Variants in FHIP1A observed in about 807,000 individuals in gnomAD.
FHIP1A encodes the protein FHF complex subunit HOOK interacting protein 1A.
In FHIP1A, 61 loss-of-function variants were observed where a neutral mutation model predicts 88.6. The ratio of observed to expected loss-of-function variants is 0.69; its 90% CI spans 0.56 to 0.85. The LOEUF (loss-of-function observed/expected upper bound fraction) is 0.85. Ranked by LOEUF, FHIP1A falls within the 40% of genes least tolerant of loss-of-function variation. FHIP1A has a pLI of 0.00. For synonymous variants in FHIP1A, 478 were observed against 496.0 expected (o/e 0.96, Z 0.48); for missense variants, 1,154 against 1,273.5 (o/e 0.91, Z 1.43).
chr4:151,426,703 A>G (rs912933302), intron 1 of FHIP1A, among the ~76,000 whole-genome samples: 11 of 152,196 alleles, frequency 7.2e-5, no homozygotes, highest in Non-Finnish European at 1.2e-4. Flanking sequence ...TAATGTAATC[A>G]TAAAATGTCC....
intron 1 of FHIP1A, among the ~76,000 whole-genome samples, chr4:151,448,360 G>A (rs1209682375): frequency 2.0e-5 from 3 of 152,114 alleles, no homozygotes; most frequent in Admixed American, 6.6e-5. Flanking sequence ...CAGTTCAGTC[G>A]CATAAAGTAG....
intron 3 of FHIP1A, among the ~76,000 whole-genome samples, chr4:151,486,964 AT>A (rs202128907): frequency 3.7e-5 from 4 of 107,332 alleles, no homozygotes; most frequent in Non-Finnish European, 8.5e-5. Flanking sequence ...GCAAAACTCC[AT>A]TTAAAAAAAA....
rs369513442 is a variant in FHIP1A at position 151,609,883 on chromosome 4, CA to C, written c.979-19810del. On this transcript the variant is annotated intron_variant, in intron 7 of 13. Transcript: ENST00000435205. ...TTTAATGCTGTATCTAATGCTGTGC[CA>C]AAAAAAAACAAAAAACCCCAAAAAA... 6.2e-5 allele frequency among the ~76,000 whole-genome samples: 9 copies of C among 144,224 alleles called. No individual in the cohort carries two copies. The South Asian group carries it at 6.6e-4, about 11-fold the overall frequency. 94.6% of individuals were successfully genotyped at this position (144,224 alleles called of 152,430 possible). A position where few individuals can be genotyped will look rare whatever the true frequency, so the allele number is the denominator to read the frequency against.
At chr4:151,438,011 A>G (rs1407657959) in intron 1 of FHIP1A, among the ~76,000 whole-genome samples, 2 of 152,174 alleles carry the variant, frequency 1.3e-5, no homozygotes, top group African/African-American at 2.4e-5. Flanking sequence ...AAAAATATTA[A>G]CTGTAAAGAG....
intron 7 of FHIP1A, among the ~76,000 whole-genome samples, chr4:151,612,521 C>T (rs1254646081): frequency 1.3e-5 from 2 of 152,332 alleles, no homozygotes; most frequent in East Asian, 3.9e-4. Context: ...GCTGAGATTA[C>T]AAGTGTGCAC....
At chr4:151,420,547 C>A (rs1228860901) in intron 1 of FHIP1A, among the ~76,000 whole-genome samples, 1 of 152,146 alleles carries the variant, frequency 6.6e-6, no homozygotes, top group African/African-American at 2.4e-5. Context: ...TCTTTCTTGG[C>A]TGTCTTTTCC....
At chr4:151,530,446 G>C (rs2126710998) in intron 3 of FHIP1A, among the ~76,000 whole-genome samples, 1 of 152,174 alleles carries the variant, frequency 6.6e-6, no homozygotes, top group South Asian at 2.1e-4. Flanking sequence ...GTACCTTCCT[G>C]ATGAATCACT....
chr4:151,415,480 A>G (rs1012339245), intron 1 of FHIP1A, among the ~76,000 whole-genome samples: 1 of 152,116 alleles, frequency 6.6e-6, no homozygotes, highest in African/African-American at 2.4e-5. Flanking sequence ...GCCTGGCCCT[A>G]TAACATGGTT....
rs76146261 is a variant in FHIP1A at position 151,522,587 on chromosome 4, C to T, written c.-123+39939C>T. ...AGTATCCAATTTTTCACTTCCCTGCCTATTCTTCTAATGAGAAATAACCCA... is the reference window on the plus strand; with the variant it reads ...AGTATCCAATTTTTCACTTCCCTGCTTATTCTTCTAATGAGAAATAACCCA... On this transcript the variant is annotated intron_variant, in intron 3 of 13. Transcript: ENST00000435205. Among the ~76,000 whole-genome samples the T allele has an allele frequency of 8.6e-3, 1,307 of 152,298 alleles. 16 individuals are homozygous for T. The highest frequency in any genetic ancestry group is 0.03 in the African/African-American group (1,229 of 41,566).
intron 3 of FHIP1A, among the ~76,000 whole-genome samples, chr4:151,509,759 T>TTGTGTG (rs113966280): frequency 0.018 from 2,616 of 147,110 alleles, 28 homozygotes; most frequent in African/African-American, 0.041. Flanking sequence ...GTCTCTATGT[T>TTGTGTG]TGTGTGTGTG....
intron 1 of FHIP1A, among the ~76,000 whole-genome samples, chr4:151,417,092 G>GAACAAAGA (rs1213380530): frequency 6.6e-6 from 1 of 152,102 alleles, no homozygotes; most frequent in Non-Finnish European, 1.5e-5. Flanking sequence ...TTGGTGCTTT[G>GAACAAAGA]AACAAAGAAT....
chr4:151,433,856 C>T (rs936829465), intron 1 of FHIP1A, among the ~76,000 whole-genome samples: 2 of 152,120 alleles, frequency 1.3e-5, no homozygotes, highest in Non-Finnish European at 2.9e-5. Context: ...GCCATATTAT[C>T]TTGATTCTAT....
At chr4:151,421,278 G>A (rs1409617159) in intron 1 of FHIP1A, among the ~76,000 whole-genome samples, 1 of 152,162 alleles carries the variant, frequency 6.6e-6, no homozygotes, top group Non-Finnish European at 1.5e-5. Flanking sequence ...TAAGCACAGT[G>A]TGACTCTTCT....
intron 1 of FHIP1A, among the ~76,000 whole-genome samples, chr4:151,417,603 G>A (rs1732944996): frequency 6.6e-6 from 1 of 152,152 alleles, no homozygotes; most frequent in Non-Finnish European, 1.5e-5. Flanking sequence ...TTACTTGGGT[G>A]TGGAAAGTTG....
At chr4:151,535,889 T>G (rs1001266021) in intron 3 of FHIP1A, among the ~76,000 whole-genome samples, 5 of 152,244 alleles carry the variant, frequency 3.3e-5, no homozygotes, top group Admixed American at 6.5e-5. Context: ...TCTTTAAGTA[T>G]AAAAGCCATT....
chr4:151,464,599 A>G (rs1044185913), intron 2 of FHIP1A, among the ~76,000 whole-genome samples: 1 of 152,134 alleles, frequency 6.6e-6, no homozygotes, highest in African/African-American at 2.4e-5. Context: ...TTTAAAACAA[A>G]ACTGCTCCAA....
Position 151,566,325 on chromosome 4 carries a change from A to G in FHIP1A, c.66A>G (p.Pro22=). The G allele has an allele frequency of 6.4e-7, 1 of 1,550,852 alleles. No homozygotes were observed. The highest frequency in any genetic ancestry group is 1.2e-5 in the South Asian group (1 of 84,036). ...QQAVSLQGVD[P]ETCMIVFKNH... ...CTGTGAGCCTACAGGGAGTTGACCC[A>G]GAAACATGCATGATTGTATTTAAAA... Residue 22 remains proline (P), a synonymous_variant, in exon 4 of 14, where the codon CCA becomes CCG. Transcript: ENST00000435205.
At chr4:151,419,253 C>A (rs1733020390) in intron 1 of FHIP1A, among the ~76,000 whole-genome samples, 1 of 150,984 alleles carries the variant, frequency 6.6e-6, no homozygotes, top group East Asian at 1.9e-4. Flanking sequence ...AATTCACTCT[C>A]CTCTCTCTCT....
chr4:151,569,769 C>T (rs1367932137), intron 4 of FHIP1A, among the ~76,000 whole-genome samples: 1 of 152,142 alleles, frequency 6.6e-6, no homozygotes, highest in Non-Finnish European at 1.5e-5. Context: ...CTGTCAGAGG[C>T]AGCTAGTTAT....
Sources: allele counts gnomAD v4.1 joint callset (sites outside exome capture counted in the v4.1 genomes callset), GRCh38; gene constraint gnomAD v4.1.1; transcripts MANE v1.5; gene names NCBI Gene and HGNC (gene_info 2026-07-23, HGNC 2026-07-21).